Variants in FAAP20 observed in about 807,000 individuals in gnomAD.
FAAP20 encodes Fanconi anemia core complex-associated protein 20.
Under a neutral mutation model 16.2 loss-of-function variants are expected in FAAP20, and 12 were observed. The ratio of observed to expected loss-of-function variants is 0.74; its 90% CI spans 0.48 to 1.20. FAAP20 has a LOEUF of 1.20. Ranked by LOEUF, FAAP20 falls within the 50% of genes most tolerant of loss-of-function variation. The pLI is 0.00. For synonymous variants in FAAP20, 141 were observed against 110.7 expected (o/e 1.27, Z -1.72); for missense variants, 288 against 245.8 (o/e 1.17, Z -1.15).
chr1:2,202,156 G>A (rs377686856), upstream of FAAP20, among the ~76,000 whole-genome samples: 35 of 152,192 alleles, frequency 2.3e-4, no homozygotes, highest in African/African-American at 8.2e-4. Flanking sequence ...GGCTCCAGGA[G>A]GCCCCTGTGC....
chr1:2,196,911 G>T (rs1033838424), upstream of FAAP20, among the ~76,000 whole-genome samples: 5 of 152,194 alleles, frequency 3.3e-5, no homozygotes, highest in Non-Finnish European at 7.3e-5. This position sits in a 1 kb window ranked among gnomAD's most constrained non-coding sequence, Gnocchi z 4.5. Flanking sequence ...TGCCGTGCTG[G>T]GGGTGGTGGG....
At chr1:2,197,300 C>CG (rs1167619939), upstream of FAAP20, among the ~76,000 whole-genome samples, 2 of 152,248 alleles carry the variant, frequency 1.3e-5, no homozygotes, top group Admixed American at 6.5e-5. Flanking sequence ...CAGCCCCTCC[C>CG]GGCTCCCCCA....
chr1:2,193,287 C>A (rs1688453423), intron 3 of FAAP20: 1 of 463,902 alleles, frequency 2.2e-6, no homozygotes, highest in Non-Finnish European at 3.9e-6. Context: ...ATTTTTAAAA[C>A]CCATGACGCA....
downstream of FAAP20, among the ~76,000 whole-genome samples, chr1:2,208,450 T>TA (rs1689346660): frequency 6.6e-6 from 1 of 152,154 alleles, no homozygotes; most frequent in African/African-American, 2.4e-5. Context: ...CCTTCCAAGT[T>TA]AAACATTACT....
At chr1:2,192,460 G>C in intron 3 of FAAP20, 1 of 996,392 alleles carries the variant, frequency 1.0e-6, no homozygotes, top group Non-Finnish European at 1.2e-6. Flanking sequence ...CCTCGTGAAC[G>C]TCCTTGTCTT....
At chr1:2,189,990 C>A in intron 3 of FAAP20, 1 of 619,960 alleles carries the variant, frequency 1.6e-6, no homozygotes, top group Non-Finnish European at 2.9e-6. Context: ...CGTGAGGAGG[C>A]CACGCCAGGC....
downstream of FAAP20, among the ~76,000 whole-genome samples, chr1:2,208,478 G>T (rs879876867): frequency 6.6e-6 from 1 of 152,164 alleles, no homozygotes; most frequent in South Asian, 2.1e-4. Flanking sequence ...ACAAGAGCCC[G>T]CAGGGCAGTG....
At chr1:2,189,527 C>A, downstream of FAAP20, 1 of 630,016 alleles carries the variant, frequency 1.6e-6, no homozygotes, top group South Asian at 1.8e-5. Context: ...AACCAAACGT[C>A]AGAAAGAAAA....
chr1:2,193,746 G>T lies in FAAP20; in HGVS notation c.363C>A (p.Arg121=), dbSNP rs752478314. 3 of 1,591,748 alleles carry T rather than the reference G, an allele frequency of 1.9e-6. No individual in the cohort carries two copies. The highest frequency in any genetic ancestry group is 2.6e-6 in the Non-Finnish European group (3 of 1,172,856). ...GGGCCCTGCAGGGATCAGGTGCCGG[G>T]CGCTGGGGCAGGGACCTGGCGGGGG... ...LESPARSLPQ[R]PAPDPCRAPR... Residue 121 remains arginine, a synonymous_variant, in exon 3 of 4, where the codon CGC becomes CGA. Coordinates refer to ENST00000378546, the MANE Select transcript of FAAP20 (RefSeq NM_182533.4).
chr1:2,210,852 C>A (rs1386049989), downstream of FAAP20, among the ~76,000 whole-genome samples: 1 of 152,236 alleles, frequency 6.6e-6, no homozygotes, highest in Non-Finnish European at 1.5e-5. Context: ...TGCAGGCTGG[C>A]GTTGCAGAGG....
upstream of FAAP20, among the ~76,000 whole-genome samples, chr1:2,196,526 T>G (rs1427021740): frequency 4.2e-5 from 6 of 142,956 alleles, no homozygotes; most frequent in Non-Finnish European, 9.0e-5. This position sits in a 1 kb window ranked among gnomAD's most constrained non-coding sequence, Gnocchi z 4.5. Flanking sequence ...GCCACTGCAC[T>G]CCAGACCCCA....
At chr1:2,207,931 T>C (rs984690912), downstream of FAAP20, among the ~76,000 whole-genome samples, 54 of 150,896 alleles carry the variant, frequency 3.6e-4, no homozygotes, top group African/African-American at 1.3e-3. Flanking sequence ...TGTGTGTGTG[T>C]GTGTGTGTGT....
chr1:2,193,674 G>A lies in FAAP20; in HGVS notation c.435C>T (p.Arg145=). 6.2e-7 allele frequency: 1 copy of A among 1,601,018 alleles called. No homozygotes were observed. The highest frequency in any genetic ancestry group is 8.5e-7 in the Non-Finnish European group (1 of 1,176,416). ...ACTCCTTCTGGCACATGGGGCAGCT[G>A]CGCAGGGCCGCGGCACCCTCCACAG... ...QPSVEGAAAL[R]SCPMCQKEFA... Residue 145 remains arginine (R), a synonymous_variant, in exon 3 of 4, where the codon CGC becomes CGT. Transcript: ENST00000378546.
chr1:2,200,430 C>A, upstream of FAAP20: 1 of 157,246 alleles, frequency 6.4e-6, no homozygotes, highest in Non-Finnish European at 1.3e-5. Flanking sequence ...AAAATTTGGA[C>A]ACAGAGACAC....
downstream of FAAP20, among the ~76,000 whole-genome samples, chr1:2,209,856 G>C (rs947390894): frequency 6.6e-6 from 1 of 152,220 alleles, no homozygotes; most frequent in Admixed American, 6.5e-5. Context: ...CTTCTGTCCA[G>C]ACAGAGCTTG....
upstream of FAAP20, chr1:2,201,022 TC>T: frequency 7.8e-7 from 1 of 1,283,146 alleles, no homozygotes; most frequent in Non-Finnish European, 1.0e-6. Flanking sequence ...TGCTGCCTGG[TC>T]CCTGCACCTT....
downstream of FAAP20, among the ~76,000 whole-genome samples, chr1:2,207,919 T>C (rs1013558758): frequency 6.1e-4 from 44 of 72,340 alleles, no homozygotes; most frequent in African/African-American, 2.3e-3. Context: ...CGTGTGTGTG[T>C]GTGTGTGTGT....
At chr1:2,208,298 C>T (rs1569609971), downstream of FAAP20, among the ~76,000 whole-genome samples, 4 of 152,108 alleles carry the variant, frequency 2.6e-5, no homozygotes, top group Admixed American at 1.3e-4. Flanking sequence ...CTGCAGTGCA[C>T]GTCCTCCAGC....
chr1:2,185,014 G>A (rs367620589), downstream of FAAP20: 90 of 1,609,506 alleles, frequency 5.6e-5, no homozygotes, highest in Middle Eastern at 5.0e-4. Context: ...GTGTGAGGCC[G>A]CGTGCGTCTC....
Sources: gnomAD v4.1 joint callset for allele counts (sites outside exome capture counted in the v4.1 genomes callset) on GRCh38, gnomAD v4.1.1 for gene constraint, Gnocchi (gnomAD v3.1) non-coding constraint, MANE v1.5 for transcripts, NCBI Gene and HGNC (gene_info 2026-07-23, HGNC 2026-07-21) for gene names.